HTR1B: variants seen among roughly 807,000 people sequenced by gnomAD.
The protein encoded by HTR1B is 5-hydroxytryptamine (serotonin) receptor 1B, G protein-coupled.
In HTR1B, 12 loss-of-function variants were observed where a neutral mutation model predicts 25.3. The ratio of observed to expected loss-of-function variants is 0.47; its 90% CI spans 0.30 to 0.77. The LOEUF is 0.77. HTR1B is among the 30% of genes least tolerant of loss of function. HTR1B has a pLI of 0.06. For synonymous variants in HTR1B, 224 were observed against 219.1 expected (o/e 1.02, Z -0.20); for missense variants, 453 against 503.0 (o/e 0.90, Z 0.95).
chr6:77,461,327 C>T lies in HTR1B; in HGVS notation c.*904G>A, dbSNP rs1257627078. On this transcript the variant is annotated 3_prime_UTR_variant, in exon 1 of 1. Transcript: ENST00000369947. Reference sequence around the variant, plus strand: ...AGTGTGGGCTGAGTCACCCATCATACCCTTCATTTATGGGGATTTAAATGT... The same window carrying T: ...AGTGTGGGCTGAGTCACCCATCATATCCTTCATTTATGGGGATTTAAATGT... 6.6e-6 allele frequency among the ~76,000 whole-genome samples: 1 copy of T among 152,094 alleles called. No individual in the cohort carries two copies. The highest frequency in any genetic ancestry group is 1.5e-5 in the Non-Finnish European group (1 of 68,034).
rs947299955 is a variant in HTR1B, at chr6:77,463,393, G to A, written c.11C>T (p.Pro4Leu). 6.2e-7 allele frequency: 1 copy of A among 1,611,898 alleles called. No homozygotes were observed. Residue 4 changes from proline (P) to leucine (L), a missense_variant, in exon 1 of 1, where the codon CCG becomes CTG. Pro to Leu is a moderately conservative substitution (Grantham distance 98). Transcript: ENST00000369947. ...CGGCGGTGGAGCGCACTGAGCACCCGGTTCCTCCATGGCTCTCCTCGCCCC... is the reference window on the plus strand; with the variant it reads ...CGGCGGTGGAGCGCACTGAGCACCCAGTTCCTCCATGGCTCTCCTCGCCCC... MEE[P>L]GAQCAPPPPA...
chr6:77,462,772 T>G lies in HTR1B; in HGVS notation c.632A>C (p.Tyr211Ser). 1 of 1,613,634 alleles carries G rather than the reference T, an allele frequency of 6.2e-7. No homozygotes were observed. The highest frequency in any genetic ancestry group is 8.5e-7 in the Non-Finnish European group (1 of 1,179,930). The change falls in exon 1 of 1, where the codon TAC (tyrosine) becomes TCC (serine). Residue 211 changes from tyrosine (Y) to serine (S), a missense_variant. Physicochemically the swap from Tyr to Ser is moderately radical, Grantham distance 144 (BLOSUM62 -2). Transcript: ENST00000369947. The surrounding 1 kb of genome is among the most constrained non-coding windows in gnomAD (Gnocchi z 4.9). Reference protein sequence around the residue: ...VNTDHILYTVYSTVGAFYFPT... With the variant: ...VNTDHILYTVSSTVGAFYFPT... Reference sequence around the variant, plus strand: ...GAAGTAGAAAGCACCCACCGTGGAGTAGACCGTGTAGAGGATGTGGTCGGT... The same window carrying G: ...GAAGTAGAAAGCACCCACCGTGGAGGAGACCGTGTAGAGGATGTGGTCGGT...
Position 77,462,969 on chromosome 6 carries a change from C to A in HTR1B, c.435G>T (p.Leu145=). The A allele has an allele frequency of 6.2e-7, 1 of 1,614,056 alleles. No individual in the cohort carries two copies. Among genetic ancestry groups the A allele is most frequent in the Non-Finnish European group, 8.5e-7 (1 of 1,180,040 alleles). Residue 145 remains leucine (L), a synonymous_variant, in exon 1 of 1, where the codon CTG becomes CTT. Coordinates refer to ENST00000369947, the MANE Select transcript of HTR1B (RefSeq NM_000863.3). This position sits in a 1 kb window ranked among gnomAD's most constrained non-coding sequence, Gnocchi z 4.9. ...CGTCCGTGATGGCCCAGTAGCGGTC[C>A]AGGGCGATGACACAGAGGTGCAGGA... ...ASILHLCVIA[L]DRYWAITDAV... is the part of the protein sequence containing the mutation.
chr6:77,461,273 C>T lies in HTR1B; in HGVS notation c.*958G>A, dbSNP rs1766131089. Among the ~76,000 whole-genome samples, 1 of 152,112 alleles carries T rather than the reference C, an allele frequency of 6.6e-6. No individual in the cohort carries two copies. The highest frequency in any genetic ancestry group is 6.6e-5 in the Admixed American group (1 of 15,266). On this transcript the variant is annotated 3_prime_UTR_variant, in exon 1 of 1. Transcript: ENST00000369947. ...ATATTTCCAATACTAATCGGTTTTA[C>T]CAATTGCATTAGTAAGAAATATAGC...
In HTR1B at chr6:77,462,827, C is replaced by G. The variant is rs780026953; in HGVS notation, c.577G>C (p.Glu193Gln). Residue 193 changes from glutamate (E) to glutamine (Q), a missense_variant, in exon 1 of 1, where the codon GAA becomes CAA. This residue lies in a region of HTR1B where 289 missense variants were observed against 319.6 expected (regional missense o/e 0.90). Coordinates refer to ENST00000369947, the MANE Select transcript of HTR1B (RefSeq NM_000863.3). The surrounding 1 kb of genome is among the most constrained non-coding windows in gnomAD (Gnocchi z 4.9). ...PPFFWRQAKA[E>Q]EEVSECVVNT... ...ACCACGCATTCCGACACCTCCTCTT[C>G]GGCCTTAGCCTGACGCCAGAAGAAG... The G allele has an allele frequency of 1.9e-6, 3 of 1,613,892 alleles. No individual in the cohort carries two copies.
At position 77,462,503 on chromosome 6, in the gene HTR1B, T is replaced by G; in HGVS notation, c.901A>C (p.Lys301Gln). The G allele has an allele frequency of 6.2e-7, 1 of 1,613,940 alleles. No homozygotes were observed. The highest frequency in any genetic ancestry group is 8.5e-7 in the Non-Finnish European group (1 of 1,180,018). Residue 301 changes from lysine (K) to glutamine (Q), a missense_variant, in exon 1 of 1, where the codon AAG becomes CAG. Physicochemically the swap from Lys to Gln is moderately conservative, Grantham distance 53. This residue lies in a region of HTR1B where 289 missense variants were observed against 319.6 expected (regional missense o/e 0.90). Coordinates refer to ENST00000369947, the MANE Select transcript of HTR1B (RefSeq NM_000863.3). This position sits in a 1 kb window ranked among gnomAD's most constrained non-coding sequence, Gnocchi z 4.9. The stretch of plus-strand genomic sequence containing the variant: ...TCCCTAGCGGCCATGAGTTTCTTCT[T>G]TTCCAGCAGGGCGTCGGAGACTCGC... ...KVRVSDALLE[K>Q]KKLMAARERK...
chr6:77,462,976 A>C lies in HTR1B; in HGVS notation c.428T>G (p.Ile143Ser). 6.2e-7 allele frequency: 1 copy of C among 1,614,060 alleles called. No individual in the cohort carries two copies. The highest frequency in any genetic ancestry group is 1.6e-4 in the Middle Eastern group (1 of 6,062). ...GATGGCCCAGTAGCGGTCCAGGGCGATGACACAGAGGTGCAGGATGGAGGC... is the reference window on the plus strand; with the variant it reads ...GATGGCCCAGTAGCGGTCCAGGGCGCTGACACAGAGGTGCAGGATGGAGGC... The part of the protein sequence containing the change: ...CTASILHLCV[I>S]ALDRYWAITD... The change falls in exon 1 of 1, where the codon ATC becomes AGC. Residue 143 changes from isoleucine to serine, a missense_variant. Transcript: ENST00000369947. The surrounding 1 kb of genome is among the most constrained non-coding windows in gnomAD (Gnocchi z 4.9).
chr6:77,462,658 T>A lies in HTR1B; in HGVS notation c.746A>T (p.Lys249Met). 1 of 1,613,378 alleles carries A rather than the reference T, an allele frequency of 6.2e-7. No individual in the cohort carries two copies. Among genetic ancestry groups the A allele is most frequent in the South Asian group, 1.1e-5 (1 of 91,078 alleles). Residue 249 changes from lysine (K) to methionine (M), a missense_variant, in exon 1 of 1, where the codon AAG (lysine) becomes ATG (methionine). Transcript: ENST00000369947. The surrounding 1 kb of genome is among the most constrained non-coding windows in gnomAD (Gnocchi z 4.9). ...ILKQTPNRTG[K>M]RLTRAQLITD... ...TATCAGCTGGGCTCGGGTCAAGCGCTTGCCGGTCCTGTTGGGCGTCTGTTT... is the reference window on the plus strand; with the variant it reads ...TATCAGCTGGGCTCGGGTCAAGCGCATGCCGGTCCTGTTGGGCGTCTGTTT...
Position 77,461,049 on chromosome 6 carries a change from G to A in HTR1B, c.*1182C>T, listed in dbSNP as rs1245964515. Among the ~76,000 whole-genome samples, 1 of 152,194 alleles carries A rather than the reference G, an allele frequency of 6.6e-6. No individual in the cohort carries two copies. The highest frequency in any genetic ancestry group is 2.4e-5 in the African/African-American group (1 of 41,460). Reference sequence around the variant, plus strand: ...ATATGTTAGCACACAAGGAATCACAGATGGGAAGGAGAGTGCAAATGACTA... The same window carrying A: ...ATATGTTAGCACACAAGGAATCACAAATGGGAAGGAGAGTGCAAATGACTA... On this transcript the variant is annotated 3_prime_UTR_variant, in exon 1 of 1. Transcript: ENST00000369947.
In HTR1B at chr6:77,461,027, T is replaced by C. The variant is rs148532865; in HGVS notation, c.*1204A>G. ...AGATAGTTCTCTTGGTTTCTTTATA[T>C]GTTAGCACACAAGGAATCACAGATG... On this transcript the variant is annotated 3_prime_UTR_variant, in exon 1 of 1. Coordinates refer to ENST00000369947, the MANE Select transcript of HTR1B (RefSeq NM_000863.3). 5.9e-5 allele frequency among the ~76,000 whole-genome samples: 9 copies of C among 152,328 alleles called. No homozygotes were observed. In the East Asian group the frequency reaches 1.7e-3, roughly 29 times the overall value.
At position 77,461,545 on chromosome 6, in the gene HTR1B, TC is replaced by T. The variant is rs1766135630; in HGVS notation, c.*685del. 7.8e-6 allele frequency among the ~76,000 whole-genome samples: 1 copy of T among 128,898 alleles called. No homozygotes were observed. The highest frequency in any genetic ancestry group is 1.6e-5 in the Non-Finnish European group (1 of 62,098). 84.6% of individuals were successfully genotyped at this position (128,898 alleles called of 152,430 possible). The stretch of plus-strand genomic sequence containing the variant: ...CAGTTTAACACTCCTCATCTCCCAT[TC>T]CCACCCACCCACCCCCATATAGTTT... On this transcript the variant is annotated 3_prime_UTR_variant, in exon 1 of 1. Transcript: ENST00000369947.
At position 77,462,148 on chromosome 6, in the gene HTR1B, G is replaced by A; in HGVS notation, c.*83C>T. The A allele has an allele frequency of 1.2e-5, 11 of 951,508 alleles. 1 individual carries two copies. The highest frequency in any genetic ancestry group is 3.1e-5 in the South Asian group (2 of 63,816). 58.9% of individuals were successfully genotyped at this position (951,508 alleles called of 1,614,324 possible). On this transcript the variant is annotated 3_prime_UTR_variant, in exon 1 of 1. Coordinates refer to ENST00000369947, the MANE Select transcript of HTR1B (RefSeq NM_000863.3). This position sits in a 1 kb window ranked among gnomAD's most constrained non-coding sequence, Gnocchi z 4.9. The stretch of plus-strand genomic sequence containing the variant: ...AGCCTCGCTGGGACCCAGAAACCGC[G>A]AAAGAAGATTCGACCTACCTGTGGA...
Position 77,462,198 on chromosome 6 carries a change from G to C in HTR1B, c.*33C>G, listed in dbSNP as rs1283110317. On this transcript the variant is annotated 3_prime_UTR_variant, in exon 1 of 1. Transcript: ENST00000369947. The surrounding 1 kb of genome is among the most constrained non-coding windows in gnomAD (Gnocchi z 4.9). Reference sequence around the variant, plus strand: ...AACCAGACACAACTTGGTCCCCAAAGGTCGCTTAGGCGACCCCACTGCAAA... The same window carrying C: ...AACCAGACACAACTTGGTCCCCAAACGTCGCTTAGGCGACCCCACTGCAAA... 6.7e-6 allele frequency: 10 copies of C among 1,482,914 alleles called. No individual in the cohort carries two copies. The highest frequency in any genetic ancestry group is 9.3e-6 in the Non-Finnish European group (10 of 1,074,164). The allele number at this position is 1,482,914 out of a possible 1,614,324, so 91.9% of individuals were successfully genotyped here. A position where few individuals can be genotyped will look rare whatever the true frequency, so the allele number is the denominator to read the frequency against.
At position 77,463,104 on chromosome 6, in the gene HTR1B, G is replaced by A; in HGVS notation, c.300C>T (p.Ile100=). ...ACATGGTGCTGATGGGCATCACCAG[G>A]ATGGACACAAGCAGGTCGGTGACCG... The part of the protein sequence containing the change: ...SLAVTDLLVS[I]LVMPISTMYT... Residue 100 remains isoleucine, a synonymous_variant, in exon 1 of 1, where the codon ATC becomes ATT. Coordinates refer to ENST00000369947, the MANE Select transcript of HTR1B (RefSeq NM_000863.3). 6.2e-7 allele frequency: 1 copy of A among 1,614,202 alleles called. No individual in the cohort carries two copies. The highest frequency in any genetic ancestry group is 1.3e-5 in the African/African-American group (1 of 75,068).
chr6:77,463,418 C>G lies in HTR1B; in HGVS notation c.-15G>C. The G allele has an allele frequency of 6.2e-7, 1 of 1,602,314 alleles. No individual in the cohort carries two copies. The highest frequency in any genetic ancestry group is 2.2e-5 in the East Asian group (1 of 44,788). ...GGTTCCTCCATGGCTCTCCTCGCCC[C>G]AGCTCCGGAGCGCAGCTCTTGGGCA... On this transcript the variant is annotated 5_prime_UTR_variant, in exon 1 of 1. Coordinates refer to ENST00000369947, the MANE Select transcript of HTR1B (RefSeq NM_000863.3).
Position 77,461,266 on chromosome 6 carries a change from G to C in HTR1B, c.*965C>G, listed in dbSNP as rs908172549. 1.3e-5 allele frequency among the ~76,000 whole-genome samples: 2 copies of C among 152,064 alleles called. No individual in the cohort carries two copies. The highest frequency in any genetic ancestry group is 4.8e-5 in the African/African-American group (2 of 41,396). On this transcript the variant is annotated 3_prime_UTR_variant, in exon 1 of 1. Coordinates refer to ENST00000369947, the MANE Select transcript of HTR1B (RefSeq NM_000863.3). The stretch of plus-strand genomic sequence containing the variant: ...AAACAGTATATTTCCAATACTAATC[G>C]GTTTTACCAATTGCATTAGTAAGAA...
chr6:77,461,177 T>C lies in HTR1B; in HGVS notation c.*1054A>G, dbSNP rs1766129640. Among the ~76,000 whole-genome samples, 1 of 152,192 alleles carries C rather than the reference T, an allele frequency of 6.6e-6. No individual in the cohort carries two copies. Among genetic ancestry groups the C allele is most frequent in the Non-Finnish European group, 1.5e-5 (1 of 68,034 alleles). On this transcript the variant is annotated 3_prime_UTR_variant, in exon 1 of 1. Coordinates refer to ENST00000369947, the MANE Select transcript of HTR1B (RefSeq NM_000863.3). ...CTCAATTGTGTAAGAACTATCCCCA[T>C]GTCATCAGTCTCCTTCACATCTCAC...
rs1335834829 is a variant in HTR1B, at chr6:77,462,243, CTTAAAACGTATCAGT to C, written c.1146_1160del (p.Leu383_Lys387del). The C allele has an allele frequency of 6.2e-7, 1 of 1,612,382 alleles. No individual in the cohort carries two copies. The highest frequency in any genetic ancestry group is 8.5e-7 in the Non-Finnish European group (1 of 1,178,706). On this transcript the variant is annotated inframe_deletion, in exon 1 of 1. Transcript: ENST00000369947. This position sits in a 1 kb window ranked among gnomAD's most constrained non-coding sequence, Gnocchi z 4.9. ...TGCAAACGGCAAGTCAACTTGTGCA[CTTAAAACGTATCAGT>C]TTATGGAATGCTTGTTTAAAGTCCT...
In HTR1B at chr6:77,462,155, G is replaced by T; in HGVS notation, c.*76C>A. On this transcript the variant is annotated 3_prime_UTR_variant, in exon 1 of 1. Transcript: ENST00000369947. The surrounding 1 kb of genome is among the most constrained non-coding windows in gnomAD (Gnocchi z 4.9). ...CTGGGACCCAGAAACCGCGAAAGAAGATTCGACCTACCTGTGGAACCAGAC... is the reference window on the plus strand; with the variant it reads ...CTGGGACCCAGAAACCGCGAAAGAATATTCGACCTACCTGTGGAACCAGAC... 9.9e-7 allele frequency: 1 copy of T among 1,010,256 alleles called. No individual in the cohort carries two copies. Among genetic ancestry groups the T allele is most frequent in the Non-Finnish European group, 1.5e-6 (1 of 666,146 alleles). The allele number at this position is 1,010,256 out of a possible 1,614,324, so 62.6% of individuals were successfully genotyped here. A position where few individuals can be genotyped will look rare whatever the true frequency, so the allele number is the denominator to read the frequency against.
Sources: gnomAD v4.1 joint callset for allele counts (sites outside exome capture counted in the v4.1 genomes callset) on GRCh38, gnomAD v4.1.1 for gene constraint, gnomAD v4.1.1 regional missense constraint, Gnocchi (gnomAD v3.1) non-coding constraint, MANE v1.5 for transcripts, NCBI Gene and HGNC (gene_info 2026-07-23, HGNC 2026-07-21) for gene names.